SRFBP1: variants seen among roughly 807,000 people sequenced by gnomAD.
SRFBP1 encodes the protein serum response factor-binding protein 1.
In SRFBP1, 47 loss-of-function variants were observed where a neutral mutation model predicts 45.5. The observed-to-expected ratio is 1.03, with a 90% confidence interval of 0.82 to 1.32. The LOEUF is 1.32. SRFBP1 is among the 40% of genes most tolerant of loss of function. The probability of loss-of-function intolerance (pLI) is 0.00; values close to 1 mark genes in which losing one functional copy is unlikely to be tolerated. For synonymous variants in SRFBP1, 203 were observed against 166.3 expected, an observed-to-expected ratio of 1.22 and a Z score of -1.70; for missense variants, 621 against 484.6, an observed-to-expected ratio of 1.28 and a Z score of -2.64.
chr5:121,968,254 T>TATTATC (rs1336424029), intron 1 of SRFBP1, among the ~76,000 whole-genome samples: 47 of 149,656 alleles, frequency 3.1e-4, no homozygotes, highest in African/African-American at 1.0e-3. Flanking sequence ...TTATTATTAT[T>TATTATC]ATTTTCTGTA....
chr5:122,011,761 A>G (rs1303069240), intron 4 of SRFBP1, among the ~76,000 whole-genome samples: 2 of 152,118 alleles, frequency 1.3e-5, no homozygotes, highest in Non-Finnish European at 2.9e-5. Flanking sequence ...TAAGTGAGGA[A>G]GGAAGATGGG....
chr5:122,017,306 A>G (rs1753210937), intron 4 of SRFBP1, among the ~76,000 whole-genome samples: 1 of 152,166 alleles, frequency 6.6e-6, no homozygotes, highest in African/African-American at 2.4e-5. Context: ...CAGTGAGGCC[A>G]CACTTTCTCT....
intron 4 of SRFBP1, among the ~76,000 whole-genome samples, chr5:122,002,233 G>T (rs1752886896): frequency 6.6e-6 from 1 of 152,150 alleles, no homozygotes; most frequent in Non-Finnish European, 1.5e-5. Context: ...AACACAATCA[G>T]CAAGTTAACT....
downstream of SRFBP1, among the ~76,000 whole-genome samples, chr5:122,029,159 A>C (rs1219400275): frequency 6.6e-6 from 1 of 152,114 alleles, no homozygotes; most frequent in Non-Finnish European, 1.5e-5. Context: ...CATCTAGCAG[A>C]TATAGGCCTG....
chr5:122,066,693 C>A, intron 2 of SRFBP1: 1 of 1,536,530 alleles, frequency 6.5e-7, no homozygotes. Context: ...TTTTTTCCCA[C>A]TTCAGAACAC....
At chr5:122,008,568 T>G (rs964441727) in intron 4 of SRFBP1, among the ~76,000 whole-genome samples, 7 of 152,110 alleles carry the variant, frequency 4.6e-5, no homozygotes, top group Admixed American at 2.6e-4. Flanking sequence ...TCAATGTGTT[T>G]TTGTTGTTGT....
chr5:121,967,810 G>A (rs1299412709), intron 1 of SRFBP1, among the ~76,000 whole-genome samples: 1 of 152,232 alleles, frequency 6.6e-6, no homozygotes, highest in South Asian at 2.1e-4. Context: ...CTACTCTCCT[G>A]CCTGGGCAAT....
chr5:121,990,394 A>T (rs985829683), intron 3 of SRFBP1, among the ~76,000 whole-genome samples: 1 of 152,162 alleles, frequency 6.6e-6, no homozygotes, highest in African/African-American at 2.4e-5. Flanking sequence ...CTATGGACTT[A>T]AAATGGGAGC....
In SRFBP1 at chr5:122,070,257, G is replaced by T. The variant is rs1754411574; in HGVS notation, n.312-5058G>T. On this transcript the variant is annotated intron_variant and non_coding_transcript_variant, in intron 2 of 2. Transcript: ENST00000504881. ...AATGAGGACTTAGCTAAATCAAGCA[G>T]GGAAGGGATTTTAACTTAAGTAAGT... The T allele has an allele frequency of 3.8e-6, 3 of 795,226 alleles. No homozygotes were observed. In the Admixed American group the frequency reaches 6.0e-5, roughly 16 times the overall value. The allele number at this position is 795,226 out of a possible 1,614,324, so 49.3% of individuals were successfully genotyped here.
chr5:122,062,816 A>G (rs1397315136), intron 2 of SRFBP1, among the ~76,000 whole-genome samples: 2 of 152,010 alleles, frequency 1.3e-5, no homozygotes, highest in South Asian at 2.1e-4. Context: ...AAGGATTACT[A>G]TGATAGCAAT....
At chr5:122,001,531 G>A (rs1413307284) in intron 4 of SRFBP1, among the ~76,000 whole-genome samples, 1 of 144,268 alleles carries the variant, frequency 6.9e-6, no homozygotes, top group Non-Finnish European at 1.5e-5. Flanking sequence ...AAGAAGCCAA[G>A]TCATCCTTTG....
intron 1 of SRFBP1, among the ~76,000 whole-genome samples, chr5:121,968,312 AT>A (rs1244863704): frequency 6.6e-6 from 1 of 151,644 alleles, no homozygotes; most frequent in Non-Finnish European, 1.5e-5. Flanking sequence ...TGGATGTATG[AT>A]TTACATCCCA....
chr5:122,055,208 C>T (rs1457642537), intron 2 of SRFBP1, among the ~76,000 whole-genome samples: 1 of 152,124 alleles, frequency 6.6e-6, no homozygotes, highest in Non-Finnish European at 1.5e-5. Flanking sequence ...CTTGCTGAGT[C>T]CTCACATGGT....
chr5:122,071,570 C>T (rs781438668), intron 2 of SRFBP1, among the ~76,000 whole-genome samples: 12 of 152,152 alleles, frequency 7.9e-5, no homozygotes, highest in Non-Finnish European at 1.3e-4. Flanking sequence ...ACAATCCTTG[C>T]TTTTAAGAAT....
intron 3 of SRFBP1, among the ~76,000 whole-genome samples, chr5:121,990,116 G>C (rs983970046): frequency 6.6e-6 from 1 of 152,156 alleles, no homozygotes; most frequent in African/African-American, 2.4e-5. Flanking sequence ...AAGACACATG[G>C]ACGTCTGTGT....
rs1294333055 is a variant in SRFBP1, at chr5:122,058,919, G to T, written n.312-16396G>T. 2.0e-5 allele frequency among the ~76,000 whole-genome samples: 3 copies of T among 152,088 alleles called. No individual in the cohort carries two copies. In the East Asian group the frequency reaches 5.8e-4, roughly 29 times the overall value. ...TTCAGTGAAACCAGGATGAAGATCT[G>T]AAATATTCTGATGGGGAAAATCCAA... On this transcript the variant is annotated intron_variant and non_coding_transcript_variant, in intron 2 of 2. Transcript: ENST00000504881.
intron 4 of SRFBP1, among the ~76,000 whole-genome samples, chr5:121,996,259 C>T (rs1752726613): frequency 8.0e-6 from 1 of 125,032 alleles, no homozygotes; most frequent in East Asian, 2.3e-4. Context: ...ATGCAAAAAT[C>T]CTCAATAAAA....
intron 3 of SRFBP1, among the ~76,000 whole-genome samples, chr5:121,991,794 A>C (rs1752626635): frequency 6.6e-6 from 1 of 152,110 alleles, no homozygotes; most frequent in Non-Finnish European, 1.5e-5. Context: ...ATTTTATATG[A>C]ACCATGTTTT....
At chr5:121,964,852 C>G (rs973379948) in intron 1 of SRFBP1, among the ~76,000 whole-genome samples, 4 of 152,188 alleles carry the variant, frequency 2.6e-5, no homozygotes, top group Non-Finnish European at 5.9e-5. Context: ...TCTCCAGCAT[C>G]TGTTGTTTCC....
Sources: allele counts gnomAD v4.1 joint callset (sites outside exome capture counted in the v4.1 genomes callset), GRCh38; gene constraint gnomAD v4.1.1; transcripts MANE v1.5; gene names NCBI Gene and HGNC (gene_info 2026-07-23, HGNC 2026-07-21).